Variants in CYFIP1 observed in about 807,000 individuals in gnomAD.
CYFIP1 encodes cytoplasmic FMR1-interacting protein 1.
In CYFIP1, 58 loss-of-function variants were observed where a neutral mutation model predicts 163.5. The ratio of observed to expected loss-of-function variants is 0.35; its 90% confidence interval spans 0.29 to 0.44. CYFIP1 has a LOEUF of 0.44. Among genes scored for constraint, CYFIP1 ranks in the 20% least tolerant of loss-of-function variants. CYFIP1 has a pLI of 1.00. For synonymous variants in CYFIP1, 663 were observed against 660.7 expected (o/e 1.00, Z -0.05); for missense variants, 1,338 against 1,653.8 (o/e 0.81, Z 3.31).
At chr15:22,964,881 A>G (rs921036824) in intron 1 of CYFIP1, among the ~76,000 whole-genome samples, 2 of 152,032 alleles carry the variant, frequency 1.3e-5, no homozygotes, top group Non-Finnish European at 1.5e-5. Context: ...CTCTGCTTCT[A>G]TGAGCTCAAA....
chr15:22,980,184 G>GGT (rs2063436603), intron 1 of CYFIP1, 103 bp downstream of exon 1: 2 of 149,196 alleles, frequency 1.3e-5, no homozygotes, highest in Non-Finnish European at 3.0e-5. Context: ...GGGAGGGGGG[G>GGT]GTCCGTCCCG....
chr15:22,880,229 C>T (rs774049304), intron 25 of CYFIP1, among the ~76,000 whole-genome samples, 186 bp from the exon 26 acceptor site: 26 of 152,236 alleles, frequency 1.7e-4, no homozygotes, highest in African/African-American at 6.0e-4. Flanking sequence ...TGGGCACGTT[C>T]TCCACACACC....
rs956528432 is a variant in CYFIP1 at position 22,912,234 on chromosome 15, T to C, written c.2027A>G (p.His676Arg). The C allele has an allele frequency of 6.8e-6, 11 of 1,613,972 alleles. No individual in the cohort carries two copies. Among genetic ancestry groups the C allele is most frequent in the Admixed American group, 1.7e-5 (1 of 59,988 alleles). The change falls in exon 18 of 31, where the codon CAC becomes CGC. Residue 676 changes from histidine to arginine, a missense_variant. Physicochemically the swap from His to Arg is conservative, Grantham distance 29. Coordinates refer to ENST00000617928, the MANE Select transcript of CYFIP1 (RefSeq NM_014608.6). ...CTTGTTGAACCTGGTGAGCGCGTAG[T>C]GGGCGCTGTCATTGTACAGGTCCAG... ...YSLDLYNDSA[H>R]YALTRFNKQF...
At chr15:22,934,342 A>G (rs2061640966) in intron 9 of CYFIP1, among the ~76,000 whole-genome samples, 1 of 150,044 alleles carries the variant, frequency 6.7e-6, no homozygotes, top group South Asian at 2.1e-4. Flanking sequence ...GCCCGCCACC[A>G]CACCCAGCTA....
chr15:22,911,499 G>T (rs1361444655), intron 18 of CYFIP1, among the ~76,000 whole-genome samples: 1 of 152,170 alleles, frequency 6.6e-6, no homozygotes, highest in Non-Finnish European at 1.5e-5. Context: ...TTCTGGGTGT[G>T]AGATTGGTCA....
intron 30 of CYFIP1, among the ~76,000 whole-genome samples, chr15:22,871,972 G>T (rs2141818690): frequency 6.6e-6 from 1 of 152,234 alleles, no homozygotes; most frequent in East Asian, 1.9e-4. Flanking sequence ...CAAGCCTGTG[G>T]TGATTTGTTG....
At chr15:22,876,767 G>A (rs2059596981) in intron 26 of CYFIP1, among the ~76,000 whole-genome samples, 1 of 151,922 alleles carries the variant, frequency 6.6e-6, no homozygotes, top group Non-Finnish European at 1.5e-5. Flanking sequence ...GGAGGTAGAA[G>A]TTGTGGTGAG....
In CYFIP1 at chr15:22,873,725, A is replaced by G. The variant is rs1595485498; in HGVS notation, c.3215T>C (p.Ile1072Thr). ...CAGGTCCCCCTCTCTTGCGATGGCA[A>G]TTTGCTGCAGAAAGGACAAGCCGTG... ...LIERLGTPQQIAIAREGDLLT... is the reference protein window; with the variant it reads ...LIERLGTPQQTAIAREGDLLT... The change falls in exon 29 of 31, where the codon ATT becomes ACT. Residue 1072 changes from isoleucine to threonine, a missense_variant. Ile to Thr is a moderately conservative substitution (Grantham distance 89, BLOSUM62 -1). Transcript: ENST00000617928. 1 of 1,611,238 alleles carries G rather than the reference A, an allele frequency of 6.2e-7. No homozygotes were observed. Among genetic ancestry groups the G allele is most frequent in the Non-Finnish European group, 8.5e-7 (1 of 1,177,826 alleles).
In CYFIP1 at chr15:22,947,017, C is replaced by T. The variant is rs751438013; in HGVS notation, c.193G>A (p.Val65Ile). 8 of 1,613,714 alleles carry T rather than the reference C, an allele frequency of 5.0e-6. No individual in the cohort carries two copies. The highest frequency in any genetic ancestry group is 2.2e-5 in the East Asian group (1 of 44,876). ...GIARYIEQAT[V>I]HSSMNEMLEE... is the part of the protein sequence containing the mutation. ...CGCAACATTACCATGCTAGAGTGGACGGTGGCTTGTTCAATGTATCTTGCG... is the reference window on the plus strand; with the variant it reads ...CGCAACATTACCATGCTAGAGTGGATGGTGGCTTGTTCAATGTATCTTGCG... The change falls in exon 3 of 31, where the codon GTC becomes ATC. Residue 65 changes from valine (V) to isoleucine (I), a missense_variant. Physicochemically the swap from Val to Ile is conservative, Grantham distance 29. This residue lies in a region of CYFIP1 where 186 missense variants were observed against 288.3 expected (regional missense o/e 0.65). Transcript: ENST00000617928.
At chr15:22,970,491 T>C (rs2063055063) in intron 1 of CYFIP1, among the ~76,000 whole-genome samples, 2 of 152,212 alleles carry the variant, frequency 1.3e-5, no homozygotes, top group Admixed American at 1.3e-4. Flanking sequence ...CAAAGCAATC[T>C]TGAAAAAGAT....
At chr15:22,903,628 G>C in intron 22 of CYFIP1, 78 bp downstream of exon 22, 1 of 1,455,758 alleles carries the variant, frequency 6.9e-7, no homozygotes, top group Non-Finnish European at 9.6e-7. Flanking sequence ...CAGGGACCTG[G>C]TGACATGGAG....
At chr15:22,912,569 T>C (rs4778472) in intron 17 of CYFIP1, among the ~76,000 whole-genome samples, 28,817 of 152,156 alleles carry the variant, frequency 0.19, 2,936 homozygotes, top group Admixed American at 0.29. Context: ...TTTAAAATAT[T>C]TCACTACAAG....
intron 5 of CYFIP1, among the ~76,000 whole-genome samples, chr15:22,944,272 G>GC (rs2140100353): frequency 6.8e-6 from 1 of 147,210 alleles, no homozygotes; most frequent in East Asian, 2.0e-4. Flanking sequence ...GTACAAACTG[G>GC]CAAAAAGTCA....
intron 22 of CYFIP1, among the ~76,000 whole-genome samples, chr15:22,901,196 C>CT (rs1245500326): frequency 6.6e-6 from 1 of 150,654 alleles, no homozygotes. Flanking sequence ...GAGTAAGACT[C>CT]TGTCACAAAA....
At chr15:22,941,022 A>G (rs1320870911) in intron 6 of CYFIP1, among the ~76,000 whole-genome samples, 2 of 152,178 alleles carry the variant, frequency 1.3e-5, no homozygotes. Flanking sequence ...AGCCTGGGCC[A>G]GTGAGACTCT....
At position 22,939,556 on chromosome 15, in the gene CYFIP1, TTAAAAAAAAAAA is replaced by T. The variant is rs1372088638; in HGVS notation, c.570-61_570-50del. The T allele has an allele frequency of 9.8e-5, 40 of 408,542 alleles. 1 individual carries two copies. The highest frequency in any genetic ancestry group is 1.4e-4 in the Non-Finnish European group (37 of 264,892). The allele number at this position is 408,542 out of a possible 1,614,324, so 25.3% of individuals were successfully genotyped here. A position where few individuals can be genotyped will look rare whatever the true frequency, so the allele number is the denominator to read the frequency against. On this transcript the variant is annotated intron_variant, in intron 6 of 30. Coordinates refer to ENST00000617928, the MANE Select transcript of CYFIP1 (RefSeq NM_014608.6). ...CCCAAAATGCACCAACGTGCCACAT[TTAAAAAAAAAAA>T]AAAAAAAAAAAAAGCCTGGTTCGAG...
At chr15:22,942,606 G>A (rs561741704) in intron 6 of CYFIP1, among the ~76,000 whole-genome samples, 20 of 152,262 alleles carry the variant, frequency 1.3e-4, no homozygotes, top group Middle Eastern at 3.4e-3. Flanking sequence ...CCTCTCCAGA[G>A]GCTAGCTTCT....
intron 25 of CYFIP1, among the ~76,000 whole-genome samples, chr15:22,880,457 GCTAA>G (rs1566921129): frequency 6.6e-6 from 1 of 152,212 alleles, no homozygotes; most frequent in Admixed American, 6.5e-5. Flanking sequence ...GAAGCCTGCA[GCTAA>G]CTAACAGCAC....
intron 1 of CYFIP1, among the ~76,000 whole-genome samples, chr15:22,957,583 C>T (rs1471373528): frequency 2.6e-5 from 4 of 152,140 alleles, no homozygotes; most frequent in Non-Finnish European, 5.9e-5. Context: ...TTGCAGTGAG[C>T]CGAGATCGTG....
Sources: allele counts gnomAD v4.1 joint callset (sites outside exome capture counted in the v4.1 genomes callset), GRCh38; gene constraint gnomAD v4.1.1; regional missense constraint gnomAD v4.1.1; transcripts MANE v1.5; gene names NCBI Gene and HGNC (gene_info 2026-07-23, HGNC 2026-07-21).